Variants in TMEM232 observed in about 807,000 individuals in gnomAD.
TMEM232 encodes the protein transmembrane protein 232.
In TMEM232, 80 loss-of-function variants were observed where a neutral mutation model predicts 78.8. That is an observed-to-expected ratio of 1.01 (90% CI 0.85 to 1.22). TMEM232 has a LOEUF of 1.22. TMEM232 is among the 50% of genes most tolerant of loss of function. TMEM232 has a pLI of 0.00. For synonymous variants in TMEM232, 297 were observed against 254.3 expected (o/e 1.17, Z -1.60); for missense variants, 881 against 742.2 (o/e 1.19, Z -2.17).
intron 12 of TMEM232, among the ~76,000 whole-genome samples, chr5:110,492,735 T>C (rs1389590612): frequency 6.6e-6 from 1 of 151,998 alleles, no homozygotes; most frequent in Non-Finnish European, 1.5e-5. Flanking sequence ...CAAATTTCAC[T>C]AAGAACCAAT....
At chr5:110,404,861 A>G (rs1279376343) in intron 2 of TMEM232, among the ~76,000 whole-genome samples, 1 of 152,030 alleles carries the variant, frequency 6.6e-6, no homozygotes, top group Non-Finnish European at 1.5e-5. Flanking sequence ...CCTGATGTTG[A>G]TGAAGAGACT....
At chr5:110,591,064 C>A (rs6887931) in intron 10 of TMEM232, among the ~76,000 whole-genome samples, 6,857 of 152,202 alleles carry the variant, frequency 0.045, 556 homozygotes, top group African/African-American at 0.16. Context: ...TAAACCATAT[C>A]AGGAGTCATT....
chr5:110,687,648 T>C (rs998778958), intron 1 of TMEM232, among the ~76,000 whole-genome samples: 1 of 152,096 alleles, frequency 6.6e-6, no homozygotes, highest in African/African-American at 2.4e-5. Context: ...AAGGTAGTTT[T>C]GGTTTCTATT....
intron 3 of TMEM232, among the ~76,000 whole-genome samples, chr5:110,391,326 T>TGTGTGAGAGAGAGAGAGA (rs549361387): frequency 5.9e-4 from 83 of 139,906 alleles, no homozygotes; most frequent in African/African-American, 2.2e-3. Flanking sequence ...TGTGTGTGTG[T>TGTGTGAGAGAGAGAGAGA]GAGAGAGAGA....
At chr5:110,653,484 G>T (rs1313829483) in intron 2 of TMEM232, among the ~76,000 whole-genome samples, 1 of 152,176 alleles carries the variant, frequency 6.6e-6, no homozygotes, top group Non-Finnish European at 1.5e-5. Flanking sequence ...GATCCTTGAA[G>T]CCTTGGCAGG....
chr5:110,478,897 A>ATT (rs746104997), intron 12 of TMEM232, among the ~76,000 whole-genome samples: 101 of 111,780 alleles, frequency 9.0e-4, no homozygotes, highest in Non-Finnish European at 1.5e-3. Context: ...GGAGAAATTG[A>ATT]TTTTTTTTTT....
intron 12 of TMEM232, among the ~76,000 whole-genome samples, chr5:110,466,925 G>T (rs1051343764): frequency 4.0e-5 from 6 of 151,596 alleles, no homozygotes; most frequent in African/African-American, 1.2e-4. Flanking sequence ...TGTGGTGTAT[G>T]CTGGATAAGC....
At chr5:110,671,093 T>C (rs1224678242) in intron 1 of TMEM232, among the ~76,000 whole-genome samples, 2 of 151,984 alleles carry the variant, frequency 1.3e-5, no homozygotes, top group East Asian at 1.9e-4. Context: ...CCAAAAGCTA[T>C]GAACAGACAC....
At chr5:110,390,031 T>C (rs10059515) in intron 4 of TMEM232, among the ~76,000 whole-genome samples, 3,812 of 152,230 alleles carry the variant, frequency 0.025, 175 homozygotes, top group African/African-American at 0.088. Flanking sequence ...AAGGACTGAA[T>C]TCTGCAGAAT....
intron 1 of TMEM232, 24 bp from the exon 2 acceptor site, chr5:110,667,388 T>C: frequency 1.4e-6 from 2 of 1,456,330 alleles, no homozygotes; most frequent in Non-Finnish European, 1.8e-6. Flanking sequence ...TAAATGTATG[T>C]TAGCATACAA....
intron 12 of TMEM232, among the ~76,000 whole-genome samples, chr5:110,426,788 G>T (rs1016738952): frequency 9.9e-5 from 15 of 151,882 alleles, no homozygotes; most frequent in Admixed American, 9.2e-4. Flanking sequence ...GCTGACAATT[G>T]GTTTAACTAA....
chr5:110,440,825 T>C (rs749379300), intron 12 of TMEM232, among the ~76,000 whole-genome samples: 2 of 152,156 alleles, frequency 1.3e-5, no homozygotes, highest in Non-Finnish European at 2.9e-5. Flanking sequence ...GTGTATAGTT[T>C]CATCCACTTA....
chr5:110,655,516 G>C (rs1580527511), intron 2 of TMEM232, among the ~76,000 whole-genome samples: 1 of 141,732 alleles, frequency 7.1e-6, no homozygotes, highest in African/African-American at 2.7e-5. Context: ...CAGGGATCTA[G>C]AACTAGAAAT....
chr5:110,700,511 A>C (rs1183359097), intron 1 of TMEM232, among the ~76,000 whole-genome samples: 2 of 152,088 alleles, frequency 1.3e-5, no homozygotes, highest in Non-Finnish European at 2.9e-5. Context: ...AGATATGCAG[A>C]TCAAAATAGA....
chr5:110,615,979 G>A (rs991962443), intron 8 of TMEM232, among the ~76,000 whole-genome samples: 32 of 151,844 alleles, frequency 2.1e-4, no homozygotes, highest in African/African-American at 7.0e-4. Context: ...AATTAATATT[G>A]ATAAAATGTC....
At chr5:110,676,567 A>G (rs1792053870) in intron 1 of TMEM232, among the ~76,000 whole-genome samples, 1 of 151,458 alleles carries the variant, frequency 6.6e-6, no homozygotes, top group African/African-American at 2.4e-5. Flanking sequence ...CACCACACCC[A>G]TCTAATGTTT....
chr5:110,466,598 G>A (rs2149365070), intron 12 of TMEM232, among the ~76,000 whole-genome samples: 1 of 150,080 alleles, frequency 6.7e-6, no homozygotes, highest in African/African-American at 2.5e-5. Flanking sequence ...AGATTTTAAG[G>A]TTCATAGGAC....
intron 12 of TMEM232, among the ~76,000 whole-genome samples, chr5:110,464,045 T>C (rs1478691767): frequency 6.6e-6 from 1 of 152,208 alleles, no homozygotes; most frequent in Non-Finnish European, 1.5e-5. Context: ...GAGAGGCCTT[T>C]CCTGACCATC....
chr5:110,672,194 G>A (rs190199097), intron 1 of TMEM232, among the ~76,000 whole-genome samples: 80 of 152,230 alleles, frequency 5.3e-4, no homozygotes, highest in African/African-American at 1.9e-3. Context: ...AGAAGTTAGA[G>A]ACTATTTTAA....
Sources: allele counts gnomAD v4.1 joint callset (sites outside exome capture counted in the v4.1 genomes callset), GRCh38; gene constraint gnomAD v4.1.1; transcripts MANE v1.5; gene names NCBI Gene and HGNC (gene_info 2026-07-23, HGNC 2026-07-21).